Variants in EFHB observed in about 807,000 individuals in gnomAD.
The protein encoded by EFHB is EF-hand domain family member B, also known as EF-hand domain-containing family member B.
EFHB carries 91 observed loss-of-function variants against 87.2 expected under a neutral mutation model. The ratio of observed to expected loss-of-function variants is 1.04; its 90% CI spans 0.88 to 1.24. The LOEUF is 1.24. Among genes scored for constraint, EFHB ranks in the 50% most tolerant of loss-of-function variants. The pLI is 0.00. For synonymous variants in EFHB, 325 were observed against 333.6 expected (o/e 0.97, Z 0.28); for missense variants, 1,084 against 998.8 (o/e 1.09, Z -1.15).
intron 1 of EFHB, among the ~76,000 whole-genome samples, chr3:19,929,874 G>A (rs985527930): frequency 6.6e-6 from 1 of 152,114 alleles, no homozygotes; most frequent in African/African-American, 2.4e-5. Flanking sequence ...TTGGATAAAA[G>A]TGTCATAAAA....
intron 4 of EFHB, 80 bp downstream of exon 4, chr3:19,918,152 C>A: frequency 7.7e-7 from 1 of 1,302,288 alleles, no homozygotes; most frequent in East Asian, 2.4e-5. Flanking sequence ...AAACATCATA[C>A]AAATAAGATA....
chr3:19,928,723 G>C (rs13319903), intron 1 of EFHB, among the ~76,000 whole-genome samples: 2 of 152,112 alleles, frequency 1.3e-5, no homozygotes, highest in African/African-American at 4.8e-5. Flanking sequence ...GGGATTTCAG[G>C]GGTGAGCCAC....
chr3:19,883,126 AG>A (rs2071723391), intron 11 of EFHB, among the ~76,000 whole-genome samples: 4 of 151,736 alleles, frequency 2.6e-5, no homozygotes, highest in Admixed American at 2.6e-4. Context: ...TCAGCCTCCC[AG>A]GTTGCTGAGA....
chr3:19,946,749 C>T (rs1350284063), intron 1 of EFHB, among the ~76,000 whole-genome samples: 1 of 152,158 alleles, frequency 6.6e-6, no homozygotes, highest in Non-Finnish European at 1.5e-5. Context: ...GTTAGGGAAC[C>T]TCGCCGCTCC....
At chr3:19,880,699 T>C (rs1176019219) in intron 12 of EFHB, among the ~76,000 whole-genome samples, 5 of 152,226 alleles carry the variant, frequency 3.3e-5, no homozygotes, top group African/African-American at 1.2e-4. Flanking sequence ...CAGCAACCTT[T>C]GGTTACAAAT....
intron 1 of EFHB, among the ~76,000 whole-genome samples, chr3:19,921,774 T>C (rs1019608319): frequency 6.6e-6 from 1 of 151,522 alleles, no homozygotes. Context: ...TATAGTGAGA[T>C]TTTTTTTAAT....
intron 1 of EFHB, among the ~76,000 whole-genome samples, chr3:19,927,594 C>T (rs886338545): frequency 2.6e-5 from 4 of 152,208 alleles, no homozygotes; most frequent in African/African-American, 7.2e-5. Flanking sequence ...CTCTTCCTCG[C>T]TCAAAACTGG....
chr3:19,914,790 C>T (rs1695170018), intron 5 of EFHB, among the ~76,000 whole-genome samples: 1 of 152,066 alleles, frequency 6.6e-6, no homozygotes, highest in Non-Finnish European at 1.5e-5. Flanking sequence ...TAAAATTAAG[C>T]ATTTAGAATA....
chr3:19,944,396 G>T (rs1696225312), intron 1 of EFHB, among the ~76,000 whole-genome samples: 1 of 152,118 alleles, frequency 6.6e-6, no homozygotes, highest in Non-Finnish European at 1.5e-5. Flanking sequence ...TATCCATTTT[G>T]TACCTTCCTT....
chr3:19,892,933 T>C (rs1407136984), intron 9 of EFHB, among the ~76,000 whole-genome samples: 1 of 149,464 alleles, frequency 6.7e-6, no homozygotes, highest in African/African-American at 2.5e-5. Flanking sequence ...ACTTCACCTT[T>C]TTCCCAATCA....
intron 1 of EFHB, among the ~76,000 whole-genome samples, chr3:19,944,380 A>G (rs1414188976): frequency 1.3e-5 from 2 of 152,190 alleles, no homozygotes; most frequent in African/African-American, 4.8e-5. Context: ...AGTCTTCATG[A>G]TTATTTATCC....
chr3:19,922,911 G>GA (rs1446890538), intron 1 of EFHB, among the ~76,000 whole-genome samples: 1 of 152,014 alleles, frequency 6.6e-6, no homozygotes, highest in Admixed American at 6.6e-5. Context: ...TAACCTAGAA[G>GA]AAAAAAATTA....
chr3:19,936,461 G>A, upstream of EFHB: 1 of 443,462 alleles, frequency 2.3e-6, no homozygotes, highest in Admixed American at 4.0e-5. Context: ...CTACTCAGGA[G>A]GCTGAGGTGG....
In EFHB at chr3:19,888,572, A is replaced by G; in HGVS notation, c.1805T>C (p.Leu602Pro). ...ATCACAGTAGTCAAATAGCTGGTCC[A>G]GGAGCTTGTCATCTAAACTCAAGTT... is the stretch of plus-strand genomic sequence containing the variant. ...QANLSLDDKL[L>P]DQLFDYCDVD... The change falls in exon 10 of 13, where the codon CTG becomes CCG. Residue 602 changes from leucine to proline, a missense_variant. Coordinates refer to ENST00000295824, the MANE Select transcript of EFHB (RefSeq NM_144715.4). The G allele has an allele frequency of 6.2e-7, 1 of 1,602,732 alleles. No individual in the cohort carries two copies. The highest frequency in any genetic ancestry group is 8.5e-7 in the Non-Finnish European group (1 of 1,173,994).
At chr3:19,942,338 C>A in intron 1 of EFHB, 2 of 153,096 alleles carry the variant, frequency 1.3e-5, no homozygotes, top group South Asian at 3.8e-4. Context: ...TGCTGAGAAT[C>A]ATTAAACCAA....
At chr3:19,941,535 C>T in intron 1 of EFHB, 1 of 155,994 alleles carries the variant, frequency 6.4e-6, no homozygotes, top group South Asian at 1.9e-4. Context: ...AGATTCCATC[C>T]TCAACAGTGA....
Position 19,933,411 on chromosome 3 carries a change from T to C in EFHB, c.608A>G (p.Asp203Gly). 1.9e-6 allele frequency: 3 copies of C among 1,614,058 alleles called. No individual in the cohort carries two copies. The highest frequency in any genetic ancestry group is 2.5e-6 in the Non-Finnish European group (3 of 1,179,908). ...DIGLTQAEGP[D>G]ETKNTEPQMG... Reference sequence around the variant, plus strand: ...TTGGGGCTCTGTATTCTTAGTCTCATCTGGCCCCTCGGCTTGGGTTAGTCC... The same window carrying C: ...TTGGGGCTCTGTATTCTTAGTCTCACCTGGCCCCTCGGCTTGGGTTAGTCC... The change falls in exon 1 of 13, where the codon GAT becomes GGT. Residue 203 changes from aspartate to glycine, a missense_variant. Transcript: ENST00000295824.
At chr3:19,896,914 T>C in intron 8 of EFHB, 73 bp from the exon 9 acceptor site, 1 of 1,367,188 alleles carries the variant, frequency 7.3e-7, no homozygotes, top group Non-Finnish European at 9.8e-7. Flanking sequence ...TTAAAAAAAG[T>C]GAGAGATCTA....
At chr3:19,923,111 A>C (rs935266304) in intron 1 of EFHB, among the ~76,000 whole-genome samples, 3 of 152,070 alleles carry the variant, frequency 2.0e-5, no homozygotes, top group African/African-American at 7.2e-5. Context: ...ACAAAAAAAT[A>C]TAAAAATTAG....
Sources: gnomAD v4.1 joint callset for allele counts (sites outside exome capture counted in the v4.1 genomes callset) on GRCh38, gnomAD v4.1.1 for gene constraint, MANE v1.5 for transcripts, NCBI Gene and HGNC (gene_info 2026-07-23, HGNC 2026-07-21) for gene names.